The following SUN3 variants were observed in gnomAD, a reference collection of about 807,000 sequenced individuals.
SUN3 encodes the protein SUN domain-containing protein 3.
Under a neutral mutation model 48.2 loss-of-function variants are expected in SUN3, and 36 were observed. The observed-to-expected ratio is 0.75, with a 90% CI of 0.57 to 0.99. The LOEUF (loss-of-function observed/expected upper bound fraction) is 0.99. Among genes scored for constraint, SUN3 ranks in the 50% least tolerant of loss-of-function variants. SUN3 has a pLI of 0.00. For missense variants in SUN3, 419 were observed against 433.1 expected, an observed-to-expected ratio of 0.97 and a Z score of 0.29; for synonymous variants, 148 against 147.9, an observed-to-expected ratio of 1.00 and a Z score of 0.00.
chr7:47,996,841 C>T (rs1219139488), intron 6 of SUN3, among the ~76,000 whole-genome samples: 2 of 137,958 alleles, frequency 1.4e-5, no homozygotes, highest in East Asian at 2.1e-4. Context: ...CTCACTCTGT[C>T]GCCAGGCTGG....
intron 7 of SUN3, among the ~76,000 whole-genome samples, chr7:47,994,804 TGTG>T (rs1280936493): frequency 4.0e-5 from 6 of 150,234 alleles, no homozygotes; most frequent in Admixed American, 1.3e-4. Context: ...TTGTGATCAT[TGTG>T]GTGATGATGG....
chr7:47,996,655 T>C (rs1371688200), intron 6 of SUN3, among the ~76,000 whole-genome samples: 1 of 152,230 alleles, frequency 6.6e-6, no homozygotes, highest in Non-Finnish European at 1.5e-5. Context: ...TTCAGGTTAC[T>C]TCATTTTAGA....
At chr7:48,012,328 G>A (rs1267376059) in intron 3 of SUN3, among the ~76,000 whole-genome samples, 1 of 152,164 alleles carries the variant, frequency 6.6e-6, no homozygotes, top group East Asian at 1.9e-4. Context: ...GAAGGCGTCA[G>A]GTAGAGGCTG....
At chr7:48,011,407 T>C (rs1428877479) in intron 3 of SUN3, among the ~76,000 whole-genome samples, 1 of 152,238 alleles carries the variant, frequency 6.6e-6, no homozygotes, top group Non-Finnish European at 1.5e-5. Flanking sequence ...GTGTGGCACA[T>C]AGAAAAATAT....
upstream of SUN3, among the ~76,000 whole-genome samples, chr7:48,032,788 G>A (rs1172333333): frequency 6.6e-6 from 1 of 150,384 alleles, no homozygotes; most frequent in Non-Finnish European, 1.5e-5. Flanking sequence ...AGCTGCTTGA[G>A]ATTGGAACAG....
At chr7:47,990,008 T>G (rs572719697) in intron 8 of SUN3, among the ~76,000 whole-genome samples, 1 of 152,152 alleles carries the variant, frequency 6.6e-6, no homozygotes, top group South Asian at 2.1e-4. Context: ...CCAGGTATTG[T>G]CCAAGGTTTC....
chr7:48,032,916 G>A (rs1378196197), upstream of SUN3, among the ~76,000 whole-genome samples: 1 of 152,230 alleles, frequency 6.6e-6, no homozygotes, highest in Non-Finnish European at 1.5e-5. Flanking sequence ...CAGAGACCAG[G>A]CAGGAAGGAA....
the SUN3 span, among the ~76,000 whole-genome samples, chr7:48,035,803 G>C: frequency 2.0e-5 from 3 of 152,286 alleles, no homozygotes; most frequent in Admixed American, 6.5e-5. This position sits in a 1 kb window ranked among gnomAD's most constrained non-coding sequence, Gnocchi z 4.0. Context: ...CCCAAGTCCC[G>C]CGGCCCCTTG....
chr7:48,033,597 T>C (rs1400566089), upstream of SUN3, among the ~76,000 whole-genome samples: 2 of 152,154 alleles, frequency 1.3e-5, no homozygotes, highest in Admixed American at 1.3e-4. Flanking sequence ...AAAAAGTTTC[T>C]TCTAAGGAAT....
chr7:47,989,456 C>T (rs1023854761), intron 8 of SUN3, among the ~76,000 whole-genome samples: 4 of 152,052 alleles, frequency 2.6e-5, no homozygotes, highest in African/African-American at 4.8e-5. Context: ...TCTTCTCTAC[C>T]CTTCAAATTG....
rs369958750 is a variant in SUN3, at chr7:47,987,284, T to A, written c.*46A>T. On this transcript the variant is annotated 3_prime_UTR_variant, in exon 10 of 10. Transcript: ENST00000297325. ...CGGTATCATCTAAGAGAATAAGCAT[T>A]CTTGAATATTCTGGACATGTGGCAT... 5 of 1,583,154 alleles carry A rather than the reference T, an allele frequency of 3.2e-6. No individual in the cohort carries two copies. Among genetic ancestry groups the A allele is most frequent in the Non-Finnish European group, 4.3e-6 (5 of 1,165,914 alleles).
At chr7:48,027,267 T>C (rs1231886137) in intron 1 of SUN3, among the ~76,000 whole-genome samples, 1 of 152,218 alleles carries the variant, frequency 6.6e-6, no homozygotes, top group Non-Finnish European at 1.5e-5. Flanking sequence ...GGGGCTATGA[T>C]AAACAATGCA....
At chr7:47,987,708 A>C (rs980853487) in intron 9 of SUN3, among the ~76,000 whole-genome samples, 2 of 152,026 alleles carry the variant, frequency 1.3e-5, no homozygotes, top group African/African-American at 4.8e-5. Flanking sequence ...TAATTTATTA[A>C]TTTTTTGTAG....
chr7:48,003,164 T>G (rs1295203549), intron 6 of SUN3, among the ~76,000 whole-genome samples: 1 of 152,226 alleles, frequency 6.6e-6, no homozygotes, highest in Non-Finnish European at 1.5e-5. Flanking sequence ...GCACCATTTA[T>G]TGAATAGGAA....
intron 8 of SUN3, 143 bp from the exon 9 acceptor site, chr7:47,989,023 A>C (rs1788976668): frequency 2.0e-6 from 1 of 496,210 alleles, no homozygotes; most frequent in Non-Finnish European, 3.6e-6. Flanking sequence ...CTATACACCC[A>C]GAGGATATTT....
At chr7:47,997,423 A>G (rs1034721468) in intron 6 of SUN3, among the ~76,000 whole-genome samples, 3 of 152,250 alleles carry the variant, frequency 2.0e-5, no homozygotes, top group Non-Finnish European at 4.4e-5. Context: ...GCTGGACAGA[A>G]TCTACACTTT....
chr7:48,007,122 C>T (rs1383941339), intron 5 of SUN3, 43 bp downstream of exon 5: 7 of 1,563,780 alleles, frequency 4.5e-6, no homozygotes, highest in Non-Finnish European at 6.1e-6. Flanking sequence ...TCCGCGCTAA[C>T]CACCACCCCA....
chr7:48,008,113 C>G (rs2881993), intron 4 of SUN3, among the ~76,000 whole-genome samples: 1 of 151,958 alleles, frequency 6.6e-6, no homozygotes, highest in African/African-American at 2.4e-5. Context: ...CGTGAGCCAC[C>G]ACGCCCGGCC....
At position 47,994,465 on chromosome 7, in the gene SUN3, T is replaced by C. The variant is rs757321860; in HGVS notation, c.711A>G (p.Gly237=). ...DIILQPDVYP[G]KCWAFPGSQG... ...GGGAACCTGGAAAAGCCCAGCACTT[T>C]CCAGGGTAGACATCCGGCTGGAAAG... Residue 237 remains glycine, a synonymous_variant, in exon 8 of 10, where the codon GGA becomes GGG. Transcript: ENST00000297325. The C allele has an allele frequency of 6.3e-7, 1 of 1,597,504 alleles. No homozygotes were observed. Among genetic ancestry groups the C allele is most frequent in the South Asian group, 1.1e-5 (1 of 87,826 alleles).
Sources: gnomAD v4.1 joint callset for allele counts (sites outside exome capture counted in the v4.1 genomes callset) on GRCh38, gnomAD v4.1.1 for gene constraint, Gnocchi (gnomAD v3.1) non-coding constraint, MANE v1.5 for transcripts, NCBI Gene and HGNC (gene_info 2026-07-23, HGNC 2026-07-21) for gene names.